WDHD1: variants seen among roughly 807,000 people sequenced by gnomAD.
WDHD1 encodes the protein WD repeat and HMG-box DNA-binding protein 1.
In WDHD1, 111 loss-of-function variants were observed where a neutral mutation model predicts 135.4. The ratio of observed to expected loss-of-function variants is 0.82; its 90% CI spans 0.70 to 0.96. WDHD1 has a LOEUF of 0.96. WDHD1 is among the 40% of genes least tolerant of loss of function. The pLI, the probability that WDHD1 is intolerant of heterozygous loss-of-function variation, is 0.00. For synonymous variants in WDHD1, 434 were observed against 439.0 expected (o/e 0.99, Z 0.14); for missense variants, 1,351 against 1,336.3 (o/e 1.01, Z -0.17).
At chr14:54,975,536 C>G (rs2041511707) in intron 16 of WDHD1, among the ~76,000 whole-genome samples, 1 of 152,004 alleles carries the variant, frequency 6.6e-6, no homozygotes, top group Non-Finnish European at 1.5e-5. Context: ...TTAGTAGAGA[C>G]AGGGTTTCAC....
intron 2 of WDHD1, among the ~76,000 whole-genome samples, chr14:55,015,052 G>A (rs1034549652): frequency 2.0e-5 from 3 of 152,178 alleles, no homozygotes; most frequent in African/African-American, 4.8e-5. Context: ...CCCTTCTATA[G>A]AGAGTAGATA....
chr14:54,990,770 G>A (rs530891803), intron 12 of WDHD1, among the ~76,000 whole-genome samples: 1 of 152,082 alleles, frequency 6.6e-6, no homozygotes, highest in Non-Finnish European at 1.5e-5. Flanking sequence ...CTGGTGGGTG[G>A]TGGAGTGAGG....
At chr14:54,951,129 G>T (rs1165351843) in intron 24 of WDHD1, among the ~76,000 whole-genome samples, 1 of 151,972 alleles carries the variant, frequency 6.6e-6, no homozygotes, top group Non-Finnish European at 1.5e-5. Flanking sequence ...CTAGCAGAAG[G>T]CAAGAAATAA....
At chr14:55,000,744 G>A in intron 9 of WDHD1, 100 bp from the exon 10 acceptor site, 1 of 1,099,308 alleles carries the variant, frequency 9.1e-7, no homozygotes, top group South Asian at 3.6e-5. Flanking sequence ...AATGACTTTT[G>A]ACAATAATTT....
At chr14:54,979,142 T>C (rs934131793) in intron 16 of WDHD1, among the ~76,000 whole-genome samples, 2 of 152,102 alleles carry the variant, frequency 1.3e-5, no homozygotes, top group Non-Finnish European at 2.9e-5. Context: ...CCCAAATCTT[T>C]GCTCCTCTTC....
intron 16 of WDHD1, among the ~76,000 whole-genome samples, chr14:54,974,493 G>GTT (rs1359133125): frequency 5.4e-5 from 3 of 55,882 alleles, no homozygotes; most frequent in Non-Finnish European, 3.6e-5. Flanking sequence ...GTTTTGTTTT[G>GTT]TTTTTTTTTT....
intron 24 of WDHD1, among the ~76,000 whole-genome samples, chr14:54,948,634 C>A (rs1251870369): frequency 6.6e-6 from 1 of 152,198 alleles, no homozygotes; most frequent in Non-Finnish European, 1.5e-5. Context: ...CCCTGTCTGA[C>A]AGCTTTGAAG....
At chr14:54,976,113 A>G (rs1448700384) in intron 16 of WDHD1, among the ~76,000 whole-genome samples, 1 of 152,182 alleles carries the variant, frequency 6.6e-6, no homozygotes, top group Non-Finnish European at 1.5e-5. Flanking sequence ...CGAGAGCTCG[A>G]GCTCTGGACC....
At chr14:54,963,715 G>A (rs966079612) in intron 18 of WDHD1, among the ~76,000 whole-genome samples, 7 of 148,142 alleles carry the variant, frequency 4.7e-5, no homozygotes, top group Non-Finnish European at 8.9e-5. Context: ...CAGGAGAATC[G>A]CTTGAACCCG....
intron 2 of WDHD1, among the ~76,000 whole-genome samples, chr14:55,022,049 G>A (rs1363990047): frequency 6.6e-6 from 1 of 152,170 alleles, no homozygotes; most frequent in East Asian, 1.9e-4. Flanking sequence ...TTGAATTCGA[G>A]ACATTGTGTT....
intron 2 of WDHD1, among the ~76,000 whole-genome samples, chr14:55,016,353 T>C (rs1594593061): frequency 6.6e-6 from 1 of 152,226 alleles, no homozygotes; most frequent in Admixed American, 6.5e-5. Context: ...CTAAATTTCT[T>C]CTTCTCAGGA....
In WDHD1 at chr14:55,007,428, T is replaced by C; in HGVS notation, c.505-53A>G. On this transcript the variant is annotated intron_variant, in intron 6 of 25. Transcript: ENST00000360586. ...TCCTTTATGAAAATCCCCCCCAAAA[T>C]ATATGCAGAACTGAATATATTTAAA... 5 of 1,297,504 alleles carry C rather than the reference T, an allele frequency of 3.9e-6. No individual in the cohort carries two copies. The East Asian group carries it at 7.0e-5, about 18-fold the overall frequency. 80.4% of individuals were successfully genotyped at this position (1,297,504 alleles called of 1,614,324 possible).
intron 13 of WDHD1, among the ~76,000 whole-genome samples, chr14:54,988,389 T>C (rs9323274): frequency 0.035 from 5,296 of 152,046 alleles, 340 homozygotes; most frequent in African/African-American, 0.12. Flanking sequence ...TCTAGACTAA[T>C]AGTTGGCCAA....
At chr14:55,022,026 C>T (rs2042357214) in intron 2 of WDHD1, among the ~76,000 whole-genome samples, 1 of 152,290 alleles carries the variant, frequency 6.6e-6, no homozygotes, top group East Asian at 1.9e-4. Context: ...TGTATGAACT[C>T]CTCATCTAGA....
chr14:55,007,166 T>G, intron 7 of WDHD1, 114 bp downstream of exon 7: 1 of 774,740 alleles, frequency 1.3e-6, no homozygotes, highest in African/African-American at 1.8e-5. Context: ...AGGCAGAGGT[T>G]GCAGTGAGCC....
At chr14:54,963,350 C>T (rs2041287933) in intron 18 of WDHD1, among the ~76,000 whole-genome samples, 178 bp from the exon 19 acceptor site, 1 of 151,950 alleles carries the variant, frequency 6.6e-6, no homozygotes, top group Non-Finnish European at 1.5e-5. Context: ...CAATTAATTA[C>T]AATTAATGGT....
At chr14:54,993,444 G>A (rs892914790) in intron 11 of WDHD1, among the ~76,000 whole-genome samples, 1 of 152,130 alleles carries the variant, frequency 6.6e-6, no homozygotes, top group Non-Finnish European at 1.5e-5. Flanking sequence ...TAACATAACA[G>A]AGCCGTAAGA....
chr14:54,967,222 G>T, intron 17 of WDHD1, 58 bp downstream of exon 17: 1 of 1,283,788 alleles, frequency 7.8e-7, no homozygotes, highest in Non-Finnish European at 1.1e-6. Context: ...TTTAAAGTGT[G>T]TGTATCACAG....
At chr14:54,951,230 A>G (rs1247487550) in intron 24 of WDHD1, among the ~76,000 whole-genome samples, 1 of 151,800 alleles carries the variant, frequency 6.6e-6, no homozygotes, top group Non-Finnish European at 1.5e-5. Context: ...GAAAAGATCA[A>G]TAAAACTGAT....
Sources: gnomAD v4.1 joint callset for allele counts (sites outside exome capture counted in the v4.1 genomes callset) on GRCh38, gnomAD v4.1.1 for gene constraint, MANE v1.5 for transcripts, NCBI Gene and HGNC (gene_info 2026-07-23, HGNC 2026-07-21) for gene names.